Variants in ANOS1 observed in about 807,000 individuals in gnomAD.
ANOS1 encodes the protein anosmin-1.
Under a neutral mutation model 59.0 loss-of-function variants are expected in ANOS1, and 6 were observed. The observed-to-expected ratio is 0.10, with a 90% CI of 0.06 to 0.20. The LOEUF (loss-of-function observed/expected upper bound fraction) is 0.20. Among genes scored for constraint, ANOS1 ranks in the 10% least tolerant of loss-of-function variants. ANOS1 has a pLI of 1.00. For missense variants in ANOS1, 433 were observed against 542.3 expected (o/e 0.80, Z 2.00); for synonymous variants, 217 against 223.4 (o/e 0.97, Z 0.25).
chrX:8,661,148 T>C (rs1218381232), intron 2 of ANOS1, among the ~76,000 whole-genome samples: 1 of 107,321 alleles, frequency 9.3e-6, no homozygotes, highest in Non-Finnish European at 1.9e-5. Context: ...TGTCCTCATG[T>C]GGTCGACCCT....
At chrX:8,692,952 G>T (rs1932628792) in intron 2 of ANOS1, among the ~76,000 whole-genome samples, 1 of 112,035 alleles carries the variant, frequency 8.9e-6, no homozygotes, top group East Asian at 2.8e-4. Flanking sequence ...ATGAACATAG[G>T]ATGGGTAGAG....
Position 8,692,106 on chromosome X carries a change from C to A in ANOS1, c.255+7592G>T, listed in dbSNP as rs543040725. 2.6e-4 allele frequency among the ~76,000 whole-genome samples: 29 copies of A among 111,547 alleles called. 1 individual carries two copies. In the South Asian group the frequency reaches 0.01, roughly 40 times the overall value. On this transcript the variant is annotated intron_variant, in intron 2 of 13. Coordinates refer to ENST00000262648, the MANE Select transcript of ANOS1 (RefSeq NM_000216.4). ...GGGGTTGACAAACTACAGCAGCAGG[C>A]CAAATCCAGGTTGCCATCTGTTTTT...
At chrX:8,725,852 T>C (rs1932915750) in intron 1 of ANOS1, among the ~76,000 whole-genome samples, 2 of 108,396 alleles carry the variant, frequency 1.8e-5, no homozygotes, top group Admixed American at 2.0e-4. Context: ...CACAATAAGG[T>C]AGAGTTTTAA....
intron 3 of ANOS1, among the ~76,000 whole-genome samples, chrX:8,599,465 C>T (rs913975989): frequency 9.0e-6 from 1 of 111,269 alleles, no homozygotes; most frequent in Non-Finnish European, 1.9e-5. Context: ...TACACCTGGA[C>T]GATACCTGGG....
At chrX:8,628,822 A>T (rs933896986) in intron 2 of ANOS1, among the ~76,000 whole-genome samples, 4 of 112,466 alleles carry the variant, frequency 3.6e-5, no homozygotes. Flanking sequence ...AGCTAATCGC[A>T]TATGTCATCG....
At chrX:8,668,745 G>A (rs1291498798) in intron 2 of ANOS1, among the ~76,000 whole-genome samples, 1 of 109,610 alleles carries the variant, frequency 9.1e-6, no homozygotes, top group Non-Finnish European at 1.9e-5. Context: ...CCAGAATTGG[G>A]ATTATCAACA....
At chrX:8,718,876 C>T in intron 1 of ANOS1, among the ~76,000 whole-genome samples, 1 of 112,158 alleles carries the variant, frequency 8.9e-6, no homozygotes, top group African/African-American at 3.2e-5. Context: ...AGTATCTGGC[C>T]ATGAAGAAGA....
intron 1 of ANOS1, among the ~76,000 whole-genome samples, chrX:8,721,561 A>G (rs1039731159): frequency 1.8e-5 from 2 of 111,947 alleles, no homozygotes; most frequent in Non-Finnish European, 3.8e-5. Flanking sequence ...TCTAATTTCC[A>G]CTAATTCAGA....
chrX:8,574,484 T>C (rs1930287701), intron 6 of ANOS1, among the ~76,000 whole-genome samples: 1 of 111,201 alleles, frequency 9.0e-6, no homozygotes, highest in Non-Finnish European at 1.9e-5. Flanking sequence ...GTCACTGGAC[T>C]GGAAAAGGCA....
At chrX:8,696,333 A>G (rs751287740) in intron 2 of ANOS1, among the ~76,000 whole-genome samples, 6 of 112,747 alleles carry the variant, frequency 5.3e-5, no homozygotes, top group African/African-American at 1.9e-4. Context: ...TGGGCAAGAA[A>G]TTAGTTACTG....
intron 4 of ANOS1, among the ~76,000 whole-genome samples, chrX:8,590,837 G>C (rs1461430563): frequency 2.7e-5 from 3 of 111,931 alleles, no homozygotes; most frequent in Non-Finnish European, 5.6e-5. Context: ...GTCACCTAGG[G>C]AAGGGTGAAG....
intron 6 of ANOS1, 80 bp downstream of exon 6, chrX:8,585,187 T>C (rs921208913): frequency 7.7e-6 from 8 of 1,045,142 alleles, no homozygotes; most frequent in African/African-American, 1.9e-5. Context: ...AATATGAACA[T>C]AGAGACAGTG....
At chrX:8,658,964 C>G (rs1175302230) in intron 2 of ANOS1, among the ~76,000 whole-genome samples, 2 of 111,671 alleles carry the variant, frequency 1.8e-5, no homozygotes, top group African/African-American at 6.5e-5. Context: ...CACGGTGGCT[C>G]ACGTCTGTAA....
intron 7 of ANOS1, 40 bp downstream of exon 7, chrX:8,570,459 C>T (rs769133397): frequency 1.8e-6 from 2 of 1,129,512 alleles, no homozygotes; most frequent in South Asian, 1.8e-5. Context: ...TTGAAATACC[C>T]TCTGTGGGAA....
In ANOS1 at chrX:8,627,306, T is replaced by G. The variant is rs1046520333; in HGVS notation, c.256-3636A>C. Among the ~76,000 whole-genome samples, 9 of 112,435 alleles carry G rather than the reference T, an allele frequency of 8.0e-5. No individual in the cohort carries two copies. The Admixed American group carries it at 8.5e-4, about 11-fold the overall frequency. On this transcript the variant is annotated intron_variant, in intron 2 of 13. Transcript: ENST00000262648. ...ACTATAGATATCGGTGCACAAAAAG[T>G]CTCAAGCCTTTGAAATCTCCATAAT...
At chrX:8,564,724 A>G (rs912580678) in intron 8 of ANOS1, among the ~76,000 whole-genome samples, 3 of 111,195 alleles carry the variant, frequency 2.7e-5, no homozygotes, top group African/African-American at 9.9e-5. Context: ...GAGAAGATAA[A>G]CATGGACATA....
rs767179630 is a variant in ANOS1, at chrX:8,730,831, G to A, written c.207+999C>T. ...AGAAAAATAAGCGGAGGATTTCAGAGCTCGCACGCTCGACAGGGCTGGTAC... is the reference window on the plus strand; with the variant it reads ...AGAAAAATAAGCGGAGGATTTCAGAACTCGCACGCTCGACAGGGCTGGTAC... On this transcript the variant is annotated intron_variant, in intron 1 of 13. Coordinates refer to ENST00000262648, the MANE Select transcript of ANOS1 (RefSeq NM_000216.4). 1.3e-4 allele frequency among the ~76,000 whole-genome samples: 15 copies of A among 112,702 alleles called. No homozygotes were observed. In the South Asian group the frequency reaches 5.5e-3, roughly 41 times the overall value.
At chrX:8,586,039 A>T (rs1440622349) in intron 5 of ANOS1, among the ~76,000 whole-genome samples, 1 of 112,359 alleles carries the variant, frequency 8.9e-6, no homozygotes, top group Non-Finnish European at 1.9e-5. Context: ...TTAAGATATC[A>T]AATAACTTTA....
At chrX:8,556,417 T>G (rs1929950489) in intron 8 of ANOS1, among the ~76,000 whole-genome samples, 1 of 112,079 alleles carries the variant, frequency 8.9e-6, no homozygotes, top group African/African-American at 3.3e-5. Flanking sequence ...GACATGATTG[T>G]ATATTTAGAA....
Sources: gnomAD v4.1 joint callset for allele counts (sites outside exome capture counted in the v4.1 genomes callset) on GRCh38, gnomAD v4.1.1 for gene constraint, MANE v1.5 for transcripts, NCBI Gene and HGNC (gene_info 2026-07-23, HGNC 2026-07-21) for gene names.